ATAD3B: variants seen among roughly 807,000 people sequenced by gnomAD.
The protein encoded by ATAD3B is ATPase family AAA domain containing 3B.
Under a neutral mutation model 70.2 loss-of-function variants are expected in ATAD3B, and 59 were observed. That is an observed-to-expected ratio of 0.84 (90% CI 0.68 to 1.04). The LOEUF (loss-of-function observed/expected upper bound fraction) is 1.04. ATAD3B is among the 50% of genes least tolerant of loss of function. The pLI, the probability that ATAD3B is intolerant of heterozygous loss-of-function variation, is 0.00. For synonymous variants in ATAD3B, 423 were observed against 388.6 expected (o/e 1.09, Z -1.04); for missense variants, 961 against 913.4 (o/e 1.05, Z -0.67).
chr1:1,476,573 A>T (rs1378629880), intron 1 of ATAD3B, among the ~76,000 whole-genome samples: 1 of 151,020 alleles, frequency 6.6e-6, no homozygotes, highest in Non-Finnish European at 1.5e-5. Context: ...CATTGCTTCG[A>T]TCTCTGCTCA....
At chr1:1,488,758 CA>C (rs367936786) in intron 12 of ATAD3B, among the ~76,000 whole-genome samples, 10 of 145,040 alleles carry the variant, frequency 6.9e-5, no homozygotes, top group Non-Finnish European at 1.1e-4. Context: ...GACTTCGTCT[CA>C]AAAAAAAAAG....
At chr1:1,500,878 A>G (rs1640930682), downstream of ATAD3B, among the ~76,000 whole-genome samples, 1 of 151,654 alleles carries the variant, frequency 6.6e-6, no homozygotes, top group Non-Finnish European at 1.5e-5. Flanking sequence ...AATGGCATGA[A>G]CCCGGGAGGC....
At chr1:1,477,055 A>C (rs1188021226) in intron 1 of ATAD3B, among the ~76,000 whole-genome samples, 1 of 151,742 alleles carries the variant, frequency 6.6e-6, no homozygotes, top group East Asian at 1.9e-4. Context: ...CACTCTGTCC[A>C]GCTGGAGTGC....
Position 1,482,599 on chromosome 1 carries a change from C to G in ATAD3B, c.735C>G (p.Asp245Glu), listed in dbSNP as rs1363975093. ...TCCGTGCCTTTGTGACAGACCGGGA[C>G]AAAGTGACAGCCACGGTAAACATAT... ...EGFRAFVTDR[D>E]KVTATVAGLT... Residue 245 changes from aspartate (D) to glutamate (E), a missense_variant, in exon 7 of 16, where the codon GAC (aspartate) becomes GAG (glutamate). Physicochemically the swap from Asp to Glu is conservative, Grantham distance 45. Around this residue, in one of 4 missense-constraint regions of ATAD3B, gnomAD observed 349 missense variants for 307.5 expected, o/e 1.14. Coordinates refer to ENST00000673477, the MANE Select transcript of ATAD3B (RefSeq NM_031921.6). The G allele has an allele frequency of 1.9e-6, 3 of 1,613,248 alleles. No individual in the cohort carries two copies. The highest frequency in any genetic ancestry group is 1.3e-5 in the African/African-American group (1 of 74,886).
chr1:1,494,580 CGAGGGGTGGGCGCTGGCA>C (rs962012739), intron 15 of ATAD3B, among the ~76,000 whole-genome samples: 3 of 151,746 alleles, frequency 2.0e-5, no homozygotes, highest in Non-Finnish European at 2.9e-5. Flanking sequence ...TGGCTCTTGG[CGAGGGGTGGGCGCTGGCA>C]GAGGGGACGG....
In ATAD3B at chr1:1,495,662, C is replaced by T; in HGVS notation, c.1792C>T (p.Leu598=). The stretch of plus-strand genomic sequence containing the variant: ...AGGCGAGACCCTCACCTCATGGAGC[C>T]TGGCCACGGACCCCTCCTACCCCTG... ...VQGETLTSWS[L]ATDPSYPCLA... is the part of the protein sequence containing the mutation. Residue 598 remains leucine, a synonymous_variant, in exon 16 of 16, where the codon CTG becomes TTG. Transcript: ENST00000673477. 1 of 1,612,986 alleles carries T rather than the reference C, an allele frequency of 6.2e-7. No homozygotes were observed. Among genetic ancestry groups the T allele is most frequent in the South Asian group, 1.1e-5 (1 of 91,000 alleles).
Position 1,496,000 on chromosome 1 carries a change from TTCTCGGCTC to T in ATAD3B, c.*184_*192del. The T allele has an allele frequency of 7.4e-7, 1 of 1,348,516 alleles. No homozygotes were observed. Among genetic ancestry groups the T allele is most frequent in the South Asian group, 2.1e-5 (1 of 47,174 alleles). 83.5% of individuals were successfully genotyped at this position (1,348,516 alleles called of 1,614,324 possible). A position where few individuals can be genotyped will look rare whatever the true frequency, so the allele number is the denominator to read the frequency against. On this transcript the variant is annotated 3_prime_UTR_variant, in exon 16 of 16. Transcript: ENST00000673477. ...AGGAGTGGGGCAGGCGGGGTCTTTG[TTCTCGGCTC>T]CCACAGCAGAGCCAGGTGAGGGGGG... is the stretch of plus-strand genomic sequence containing the variant.
At position 1,497,164 on chromosome 1, in the gene ATAD3B, GCT is replaced by G. The variant is rs1640821869; in HGVS notation, c.*1349_*1350del. On this transcript the variant is annotated 3_prime_UTR_variant, in exon 16 of 16. Coordinates refer to ENST00000673477, the MANE Select transcript of ATAD3B (RefSeq NM_031921.6). Reference sequence around the variant, plus strand: ...GCTTGGAGGGGGGCGGTCTACCTCTGCTCGCTCTCTCCATTTCTCTCTCTACC... The same window carrying G: ...GCTTGGAGGGGGGCGGTCTACCTCTGCGCTCTCTCCATTTCTCTCTCTACC... 196 of 151,566 alleles carry G rather than the reference GCT, an allele frequency of 1.3e-3. 2 individuals carry two copies. Among genetic ancestry groups the G allele is most frequent in the African/African-American group, 4.4e-3 (180 of 40,762 alleles). The allele number at this position is 151,566 out of a possible 1,614,324, so 9.4% of individuals were successfully genotyped here.
chr1:1,485,693 C>T, intron 8 of ATAD3B, 89 bp from the exon 9 acceptor site: 3 of 1,573,068 alleles, frequency 1.9e-6, no homozygotes, highest in Non-Finnish European at 2.6e-6. Context: ...AGCTCCGTTT[C>T]TGTGTGTTAC....
intron 13 of ATAD3B, chr1:1,489,823 A>T: frequency 2.4e-6 from 3 of 1,256,570 alleles, no homozygotes; most frequent in Non-Finnish European, 3.1e-6. Flanking sequence ...TCCTTCCCAG[A>T]GAGGCAAGGC....
downstream of ATAD3B, among the ~76,000 whole-genome samples, chr1:1,498,895 C>T (rs562580013): frequency 1.7e-4 from 26 of 151,746 alleles, no homozygotes; most frequent in Admixed American, 1.4e-3. Context: ...GGAGCAATGG[C>T]GAGCGCCTGG....
chr1:1,486,282 C>T (rs1640211609), intron 10 of ATAD3B, 47 bp downstream of exon 10: 1 of 1,610,958 alleles, frequency 6.2e-7, no homozygotes, highest in South Asian at 1.1e-5. Context: ...GCTGGGGTCT[C>T]ACCTGCCTGC....
At chr1:1,504,670 GAGAA>G in the ATAD3B span, among the ~76,000 whole-genome samples, 2 of 119,744 alleles carry the variant, frequency 1.7e-5, no homozygotes, top group African/African-American at 1.0e-4. Flanking sequence ...AAAAAAAAGA[GAGAA>G]CAGGAGTGTG....
chr1:1,490,054 G>A lies in ATAD3B; in HGVS notation c.1338-203G>A, dbSNP rs577870341. On this transcript the variant is annotated intron_variant, in intron 13 of 15. Transcript: ENST00000673477. ...GGCAAGAACAGAGGCCCGAGAAGCCGGGCGGGGGGCAGCTGGGCGTGGTGG... is the reference window on the plus strand; with the variant it reads ...GGCAAGAACAGAGGCCCGAGAAGCCAGGCGGGGGGCAGCTGGGCGTGGTGG... 1.2e-4 allele frequency: 167 copies of A among 1,408,104 alleles called. 2 individuals are homozygous for A. The South Asian group carries it at 2.1e-3, about 17-fold the overall frequency. 87.2% of individuals were successfully genotyped at this position (1,408,104 alleles called of 1,614,324 possible). A position where few individuals can be genotyped will look rare whatever the true frequency, so the allele number is the denominator to read the frequency against.
Position 1,477,257 on chromosome 1 carries a change from G to GTC in ATAD3B, c.206-17_206-16insTC. 6.2e-7 allele frequency: 1 copy of GTC among 1,611,978 alleles called. No homozygotes were observed. The highest frequency in any genetic ancestry group is 1.1e-5 in the South Asian group (1 of 90,904). On this transcript the variant is annotated splice_polypyrimidine_tract_variant and intron_variant, in intron 1 of 15. Transcript: ENST00000673477. ...CGTGTATCCTACACCTGCTCTCCGT[G>GTC]CCACATGCGCCCGCAGGTTACGCCA...
chr1:1,501,978 A>T (rs1219376449), downstream of ATAD3B, among the ~76,000 whole-genome samples: 1 of 151,714 alleles, frequency 6.6e-6, no homozygotes, highest in Non-Finnish European at 1.5e-5. Context: ...TCCTGGGTTC[A>T]AGCAATTCTC....
chr1:1,492,650 C>A (rs1032247411), intron 15 of ATAD3B, among the ~76,000 whole-genome samples: 1 of 151,392 alleles, frequency 6.6e-6, no homozygotes, highest in Non-Finnish European at 1.5e-5. Flanking sequence ...CAAAAATTAA[C>A]TGGACGGGGC....
At chr1:1,488,241 C>T (rs973314757) in intron 12 of ATAD3B, among the ~76,000 whole-genome samples, 5 of 151,964 alleles carry the variant, frequency 3.3e-5, no homozygotes, top group African/African-American at 1.2e-4. Context: ...CATGCGTGAT[C>T]CACCACGCCC....
At chr1:1,507,618 A>T in the ATAD3B span, among the ~76,000 whole-genome samples, 7 of 152,162 alleles carry the variant, frequency 4.6e-5, no homozygotes, top group Non-Finnish European at 1.0e-4. Context: ...GGACTTTCCC[A>T]GTGATGCTCA....
Sources: allele counts gnomAD v4.1 joint callset (sites outside exome capture counted in the v4.1 genomes callset), GRCh38; gene constraint gnomAD v4.1.1; regional missense constraint gnomAD v4.1.1; transcripts MANE v1.5; gene names NCBI Gene and HGNC (gene_info 2026-07-23, HGNC 2026-07-21).